PCDHA9: variants seen among roughly 807,000 people sequenced by gnomAD.
PCDHA9 encodes protocadherin alpha 9.
A neutral mutation model predicts 62.0 loss-of-function variants in PCDHA9; 62 were observed. That is an observed-to-expected ratio of 1.00 (90% CI 0.81 to 1.23). The LOEUF (loss-of-function observed/expected upper bound fraction) is 1.23. Ranked by LOEUF, PCDHA9 falls within the 50% of genes most tolerant of loss-of-function variation. PCDHA9 has a pLI of 0.00. For missense variants in PCDHA9, 1,205 were observed against 1,249.8 expected (o/e 0.96, Z 0.54); for synonymous variants, 557 against 567.6 (o/e 0.98, Z 0.27).
At chr5:140,931,662 T>C (rs905670675) in intron 1 of PCDHA9, among the ~76,000 whole-genome samples, 2 of 152,028 alleles carry the variant, frequency 1.3e-5, no homozygotes, top group Non-Finnish European at 2.9e-5. Context: ...GTGGGCTGGA[T>C]ATTTCCTTAT....
intron 1 of PCDHA9, among the ~76,000 whole-genome samples, chr5:140,890,099 A>G (rs1301934861): frequency 2.0e-5 from 3 of 152,086 alleles, no homozygotes; most frequent in African/African-American, 7.2e-5. Context: ...TTTATTCCCA[A>G]CTCTGGATTC....
intron 1 of PCDHA9, among the ~76,000 whole-genome samples, chr5:140,925,337 A>G (rs2082438861): frequency 6.6e-6 from 1 of 152,072 alleles, no homozygotes; most frequent in South Asian, 2.1e-4. Flanking sequence ...TAAAAGAAGG[A>G]TTTGAGTGAG....
intron 1 of PCDHA9, among the ~76,000 whole-genome samples, chr5:140,952,097 G>A (rs1385693579): frequency 1.3e-5 from 2 of 152,066 alleles, no homozygotes; most frequent in East Asian, 3.9e-4. Context: ...CACATCCAGG[G>A]CACACTCGTG....
intron 1 of PCDHA9, among the ~76,000 whole-genome samples, chr5:140,892,776 T>C (rs2063665865): frequency 6.6e-6 from 1 of 152,224 alleles, no homozygotes; most frequent in East Asian, 1.9e-4. Flanking sequence ...TTCTAGCTTC[T>C]TGAAAATATG....
chr5:140,925,685 G>T (rs1584406507), intron 1 of PCDHA9, among the ~76,000 whole-genome samples: 1 of 137,694 alleles, frequency 7.3e-6, no homozygotes, highest in South Asian at 2.3e-4. Flanking sequence ...ATAAAGCGAG[G>T]GTGGGTATCT....
At position 140,857,115 on chromosome 5, in the gene PCDHA9, T is replaced by C. The variant is rs782131761; in HGVS notation, c.2394+6226T>C. On this transcript the variant is annotated intron_variant, in intron 1 of 3. Coordinates refer to ENST00000532602, the MANE Select transcript of PCDHA9 (RefSeq NM_031857.2). ...GAGGTGATTGTCACTTCTCTGTCTC[T>C]CCCAGTGAAAGAAGATGCTCAAGTG... 20 of 1,597,830 alleles carry C rather than the reference T, an allele frequency of 1.3e-5. 2 individuals carry two copies. In the East Asian group the frequency reaches 3.8e-4, roughly 30 times the overall value.
In PCDHA9 at chr5:140,876,419, A is replaced by G. The variant is rs2056334313; in HGVS notation, c.2394+25530A>G. On this transcript the variant is annotated intron_variant, in intron 1 of 3. Coordinates refer to ENST00000532602, the MANE Select transcript of PCDHA9 (RefSeq NM_031857.2). Reference sequence around the variant, plus strand: ...CTGGATTTTGAAGAGAATAATGCCTATGAAATTCAGGTTAACGCCATTGAT... The same window carrying G: ...CTGGATTTTGAAGAGAATAATGCCTGTGAAATTCAGGTTAACGCCATTGAT... 2.5e-6 allele frequency: 4 copies of G among 1,613,984 alleles called. No homozygotes were observed. In the East Asian group the frequency reaches 6.7e-5, roughly 27 times the overall value.
chr5:140,904,857 T>G (rs1223482596), intron 1 of PCDHA9, among the ~76,000 whole-genome samples: 1 of 152,190 alleles, frequency 6.6e-6, no homozygotes, highest in Non-Finnish European at 1.5e-5. Context: ...CTGAGAATTG[T>G]CTGTTTATGT....
At chr5:140,915,466 T>C (rs2077134247) in intron 1 of PCDHA9, among the ~76,000 whole-genome samples, 1 of 152,176 alleles carries the variant, frequency 6.6e-6, no homozygotes, top group South Asian at 2.1e-4. Context: ...AGGTTTTTAT[T>C]TGAAGGAGCT....
chr5:140,856,872 A>G (rs1554149238), intron 1 of PCDHA9: 1 of 1,596,142 alleles, frequency 6.3e-7, no homozygotes, highest in South Asian at 1.1e-5. Flanking sequence ...ATAAACAAGG[A>G]AATGATGTAT....
rs143469399 is a variant in PCDHA9 at position 140,850,397 on chromosome 5, G to T, written c.1902G>T (p.Thr634=). Residue 634 remains threonine (T), a synonymous_variant, in exon 1 of 4, where the codon ACG becomes ACT. Transcript: ENST00000532602. ...TGTACACGGGCGAGATCAGCACAAC[G>T]CGTGCCCTGGACGAAACGGACGCAC... The part of the protein sequence containing the change: ...VGLYTGEIST[T]RALDETDAPR... 3.1e-6 allele frequency: 5 copies of T among 1,597,958 alleles called. No homozygotes were observed. The Admixed American group carries it at 6.8e-5, about 22-fold the overall frequency.
chr5:140,985,499 C>G (rs1307302690), intron 3 of PCDHA9, among the ~76,000 whole-genome samples: 1 of 152,170 alleles, frequency 6.6e-6, no homozygotes, highest in African/African-American at 2.4e-5. Flanking sequence ...TAGAGCCTGC[C>G]TTTCATTGAT....
chr5:140,986,461 C>T (rs1554248079), intron 3 of PCDHA9, among the ~76,000 whole-genome samples: 1 of 152,154 alleles, frequency 6.6e-6, no homozygotes. Context: ...TTAATGAATG[C>T]CCTCTTGTGA....
At chr5:140,882,717 C>T (rs1311295002) in intron 1 of PCDHA9, 1 of 1,614,102 alleles carries the variant, frequency 6.2e-7, no homozygotes, top group Non-Finnish European at 8.5e-7. Context: ...CCTCCGGAAA[C>T]TCGATTTCCA....
At chr5:140,889,677 A>C (rs2062337974) in intron 1 of PCDHA9, among the ~76,000 whole-genome samples, 1 of 152,018 alleles carries the variant, frequency 6.6e-6, no homozygotes, top group Non-Finnish European at 1.5e-5. Flanking sequence ...TTTTATTTTA[A>C]ACCTTTTAGT....
chr5:141,007,277 C>T (rs2098312243), intron 3 of PCDHA9, among the ~76,000 whole-genome samples: 1 of 151,304 alleles, frequency 6.6e-6, no homozygotes, highest in Non-Finnish European at 1.5e-5. Context: ...AGGCTGGGTG[C>T]AGTGGGCTCA....
rs142468733 is a variant in PCDHA9 at position 140,884,535 on chromosome 5, C to G, written c.2394+33646C>G. 4,368 of 1,614,034 alleles carry G rather than the reference C, an allele frequency of 2.7e-3. 82 individuals are homozygous for G. The South Asian group carries it at 0.038, about 14-fold the overall frequency. On this transcript the variant is annotated intron_variant, in intron 1 of 3. Coordinates refer to ENST00000532602, the MANE Select transcript of PCDHA9 (RefSeq NM_031857.2). ...TGGTCGTACTCGCAGCAGAGGCGGC[C>G]GAGGGTGTGCTCTGGGGAGGGCCCG...
At chr5:141,008,723 C>G (rs1480694972) in intron 3 of PCDHA9, among the ~76,000 whole-genome samples, 1 of 152,110 alleles carries the variant, frequency 6.6e-6, no homozygotes, top group Non-Finnish European at 1.5e-5. Flanking sequence ...GAGTGTATGT[C>G]CAACTAGACT....
intron 1 of PCDHA9, chr5:140,876,222 G>T (rs923525457): frequency 6.2e-7 from 1 of 1,613,972 alleles, no homozygotes; most frequent in Non-Finnish European, 8.5e-7. Flanking sequence ...ATAAAGTAGT[G>T]TTGTCTGAAA....
Sources: gnomAD v4.1 joint callset for allele counts (sites outside exome capture counted in the v4.1 genomes callset) on GRCh38, gnomAD v4.1.1 for gene constraint, MANE v1.5 for transcripts, NCBI Gene and HGNC (gene_info 2026-07-23, HGNC 2026-07-21) for gene names.